Variants in LRP8 observed in about 807,000 individuals in gnomAD.
LRP8 encodes low-density lipoprotein receptor-related protein 8.
A neutral mutation model predicts 111.6 loss-of-function variants in LRP8; 46 were observed. That is an observed-to-expected ratio of 0.41 (90% CI 0.33 to 0.53). The LOEUF (loss-of-function observed/expected upper bound fraction) is 0.53, where lower values mean the gene tolerates loss of function less well. Among genes scored for constraint, LRP8 ranks in the 20% least tolerant of loss-of-function variants. LRP8 has a pLI of 0.20. For synonymous variants in LRP8, 464 were observed against 511.2 expected (o/e 0.91, Z 1.24); for missense variants, 959 against 1,297.4 (o/e 0.74, Z 4.01).
At position 53,296,315 on chromosome 1, in the gene LRP8, C is replaced by T. The variant is rs76091879; in HGVS notation, c.245-6626G>A. On this transcript the variant is annotated intron_variant, in intron 2 of 18. Transcript: ENST00000306052. ...CAAGCTGGGGCAGGTTCTTTCCCCT[C>T]CTAGGGCAGTTGAGAGGCTGAGAGC... Among the ~76,000 whole-genome samples, 498 of 152,320 alleles carry T rather than the reference C, an allele frequency of 3.3e-3. 4 individuals carry two copies. The highest frequency in any genetic ancestry group is 0.012 in the African/African-American group (482 of 41,574).
At position 53,249,500 on chromosome 1, in the gene LRP8, T is replaced by C; in HGVS notation, c.2733A>G (p.Arg911=). 1 of 1,613,454 alleles carries C rather than the reference T, an allele frequency of 6.2e-7. No homozygotes were observed. Among genetic ancestry groups the C allele is most frequent in the Non-Finnish European group, 8.5e-7 (1 of 1,179,410 alleles). The change falls in exon 18 of 19, where the codon AGA becomes AGG. Residue 911 remains arginine, a synonymous_variant. Transcript: ENST00000306052. The surrounding 1 kb of genome is among the most constrained non-coding windows in gnomAD (Gnocchi z 4.1). The stretch of plus-strand genomic sequence containing the variant: ...GGGCAGGGGCTGGGTCTTCCGGTTC[T>C]CTGGTCTCCCCAAGACAGGGCTCTG... ...LWAEPCLGET[R]EPEDPAPALK...
intron 2 of LRP8, among the ~76,000 whole-genome samples, chr1:53,319,564 G>T (rs1010645544): frequency 6.6e-6 from 1 of 152,232 alleles, no homozygotes. Context: ...CCCATTGTGG[G>T]TACCTAGGCT....
intron 3 of LRP8, among the ~76,000 whole-genome samples, chr1:53,281,721 CTG>C (rs1410567664): frequency 1.3e-5 from 2 of 152,218 alleles, no homozygotes; most frequent in Non-Finnish European, 2.9e-5. Context: ...ATCCTTATCT[CTG>C]TGCCAATAAA....
In LRP8 at chr1:53,291,378, G is replaced by T. The variant is rs1430409645; in HGVS notation, c.245-1689C>A. 2.0e-5 allele frequency among the ~76,000 whole-genome samples: 3 copies of T among 152,194 alleles called. No homozygotes were observed. The South Asian group carries it at 6.2e-4, about 32-fold the overall frequency. ...ACTAGGATGTGGCCTCTCCCCAGGG[G>T]CTTAGAAGTCCCGTGGCCCCAGCCT... On this transcript the variant is annotated intron_variant, in intron 2 of 18. Coordinates refer to ENST00000306052, the MANE Select transcript of LRP8 (RefSeq NM_004631.5).
intron 3 of LRP8, among the ~76,000 whole-genome samples, chr1:53,288,906 A>G (rs1457676779): frequency 3.3e-5 from 5 of 152,164 alleles, no homozygotes; most frequent in Non-Finnish European, 7.3e-5. Flanking sequence ...TCATGGAGAG[A>G]CAAAGCCCTG....
chr1:53,260,600 C>T lies in LRP8; in HGVS notation c.1920G>A (p.Lys640=). Residue 640 remains lysine, a synonymous_variant, in exon 13 of 19, where the codon AAG becomes AAA. Coordinates refer to ENST00000306052, the MANE Select transcript of LRP8 (RefSeq NM_004631.5). ...HPFGIAVFED[K]VFWTDLENEA... The stretch of plus-strand genomic sequence containing the variant: ...CGTTCTCCAGGTCTGTCCAGAACAC[C>T]TTGTCCTGTGGGGTATAGATGCAGA... The T allele has an allele frequency of 6.2e-7, 1 of 1,614,032 alleles. No homozygotes were observed. Among genetic ancestry groups the T allele is most frequent in the South Asian group, 1.1e-5 (1 of 91,052 alleles).
intron 6 of LRP8, chr1:53,274,697 C>T: frequency 2.2e-6 from 1 of 456,292 alleles, no homozygotes. Context: ...ACAGGCACCG[C>T]ACCACACTTT....
At chr1:53,323,521 GC>G (rs1654772442) in intron 2 of LRP8, among the ~76,000 whole-genome samples, 1 of 152,266 alleles carries the variant, frequency 6.6e-6, no homozygotes. Flanking sequence ...CGTGACCCAG[GC>G]CCACAGCCAG....
In LRP8 at chr1:53,249,378, A is replaced by G; in HGVS notation, c.2853+2T>C. The G allele has an allele frequency of 6.2e-7, 1 of 1,613,772 alleles. No homozygotes were observed. Among genetic ancestry groups the G allele is most frequent in the Non-Finnish European group, 8.5e-7 (1 of 1,179,816 alleles). On this transcript the variant is annotated splice_donor_variant, in intron 18 of 18. Coordinates refer to ENST00000306052, the MANE Select transcript of LRP8 (RefSeq NM_004631.5). LOFTEE classifies it high-confidence loss of function. This position sits in a 1 kb window ranked among gnomAD's most constrained non-coding sequence, Gnocchi z 4.1. ...CTCAGACTTAGAGTGGCACTGCCCT[A>G]CCTTGGATTTGACGACAGGCAGCTC... is the stretch of plus-strand genomic sequence containing the variant.
At position 53,266,913 on chromosome 1, in the gene LRP8, C is replaced by A; in HGVS notation, c.1253-266G>T. 2 of 413,888 alleles carry A rather than the reference C, an allele frequency of 4.8e-6. No homozygotes were observed. The highest frequency in any genetic ancestry group is 9.0e-6 in the Non-Finnish European group (2 of 222,814). 25.6% of individuals were successfully genotyped at this position (413,888 alleles called of 1,614,324 possible). ...ATCTTTTATGGCTCCCCATTTTCTC[C>A]TTAGGCCTGCACTGAAAGCCTTCCA... On this transcript the variant is annotated intron_variant, in intron 8 of 18. Transcript: ENST00000306052. This position sits in a 1 kb window ranked among gnomAD's most constrained non-coding sequence, Gnocchi z 5.0.
chr1:53,278,073 C>A (rs1401013470), intron 4 of LRP8, among the ~76,000 whole-genome samples: 1 of 152,206 alleles, frequency 6.6e-6, no homozygotes, highest in Non-Finnish European at 1.5e-5. Flanking sequence ...TAGAGGCCAG[C>A]CAGCCCTATT....
rs1490549135 is a variant in LRP8, at chr1:53,276,792, G to C, written c.783C>G (p.Thr261=). 7.3e-7 allele frequency: 1 copy of C among 1,369,164 alleles called. No individual in the cohort carries two copies. 84.8% of individuals were successfully genotyped at this position (1,369,164 alleles called of 1,614,324 possible). ...GATSAPAACA[T]ASQFACRSGE... ...CGCTGCGGCAGGCGAACTGGGAGGC[G>C]GTGGCGCAGGCGGCGGGCGCGGACG... Residue 261 remains threonine (T), a synonymous_variant, in exon 5 of 19, where the codon ACC becomes ACG. Transcript: ENST00000306052.
intron 13 of LRP8, among the ~76,000 whole-genome samples, 162 bp from the exon 14 acceptor site, chr1:53,258,633 C>T (rs1646203178): frequency 6.6e-6 from 1 of 151,890 alleles, no homozygotes; most frequent in Non-Finnish European, 1.5e-5. Context: ...TCCCCCAAAG[C>T]TTTTGGGATA....
chr1:53,286,069 C>T (rs1557804469), intron 3 of LRP8, among the ~76,000 whole-genome samples: 1 of 152,316 alleles, frequency 6.6e-6, no homozygotes, highest in Middle Eastern at 3.4e-3. Context: ...AAGTACTTGG[C>T]GGCTGCCCAT....
intron 2 of LRP8, among the ~76,000 whole-genome samples, chr1:53,324,974 A>G (rs1654958722): frequency 6.6e-6 from 1 of 152,242 alleles, no homozygotes; most frequent in African/African-American, 2.4e-5. Context: ...AGAAAGTAGA[A>G]TGACAAGAAA....
intron 3 of LRP8, among the ~76,000 whole-genome samples, chr1:53,285,849 T>G (rs1572545504): frequency 6.6e-6 from 1 of 151,882 alleles, no homozygotes; most frequent in Non-Finnish European, 1.5e-5. Flanking sequence ...GAGGCAGGAG[T>G]GAAGAATCCC....
intron 3 of LRP8, among the ~76,000 whole-genome samples, chr1:53,282,048 A>G (rs1411186681): frequency 1.3e-5 from 2 of 152,174 alleles, no homozygotes; most frequent in East Asian, 3.8e-4. Flanking sequence ...TGGGCTACTC[A>G]TGCTTCGCCC....
rs1008435674 is a variant in LRP8 at position 53,243,444 on chromosome 1, G to A, written c.*3574C>T. The A allele has an allele frequency of 1.3e-5, 2 of 152,186 alleles. No individual in the cohort carries two copies. The highest frequency in any genetic ancestry group is 4.8e-5 in the African/African-American group (2 of 41,440). 9.4% of individuals were successfully genotyped at this position (152,186 alleles called of 1,614,324 possible). On this transcript the variant is annotated 3_prime_UTR_variant, in exon 19 of 19. Transcript: ENST00000306052. The stretch of plus-strand genomic sequence containing the variant: ...CAGTCAGCATTTCCCTTTGGCCACT[G>A]GAAAGCTTGAGGCTGAATAATATCA...
chr1:53,299,800 G>A (rs1333736698), intron 2 of LRP8, among the ~76,000 whole-genome samples: 2 of 152,262 alleles, frequency 1.3e-5, no homozygotes, highest in African/African-American at 2.4e-5. Flanking sequence ...GCTCTGCTCT[G>A]TGGCCTTGAT....
Sources: gnomAD v4.1 joint callset for allele counts (sites outside exome capture counted in the v4.1 genomes callset) on GRCh38, gnomAD v4.1.1 for gene constraint, Gnocchi (gnomAD v3.1) non-coding constraint, MANE v1.5 for transcripts, NCBI Gene and HGNC (gene_info 2026-07-23, HGNC 2026-07-21) for gene names.